BCR: variants seen among roughly 807,000 people sequenced by gnomAD.
BCR encodes the protein breakpoint cluster region protein.
In BCR, 58 loss-of-function variants were observed where a neutral mutation model predicts 138.6. The ratio of observed to expected loss-of-function variants is 0.42; its 90% confidence interval spans 0.34 to 0.52. The LOEUF (loss-of-function observed/expected upper bound fraction) is 0.52. BCR is among the 20% of genes least tolerant of loss of function. BCR has a pLI of 0.06. For missense variants in BCR, 1,599 were observed against 1,727.2 expected, an observed-to-expected ratio of 0.93 and a Z score of 1.32; for synonymous variants, 786 against 730.1, an observed-to-expected ratio of 1.08 and a Z score of -1.23.
intron 1 of BCR, among the ~76,000 whole-genome samples, chr22:23,244,412 G>A (rs540074399): frequency 6.6e-6 from 1 of 152,300 alleles, no homozygotes; most frequent in South Asian, 2.1e-4. Context: ...TCACCTTGGT[G>A]TCCTCAGGGG....
Position 23,261,037 on chromosome 22 carries a change from C to G in BCR, c.1549C>G (p.Leu517Val). 1.2e-6 allele frequency: 2 copies of G among 1,613,692 alleles called. No individual in the cohort carries two copies. Among genetic ancestry groups the G allele is most frequent in the African/African-American group, 2.7e-5 (2 of 75,010 alleles). ...LASEETYLSH[L>V]EALLLPMKPL... ...TAGCGAGGAGACTTACCTGAGCCACCTGGAGGCACTGCTGCTGGTGAGGAG... is the reference window on the plus strand; with the variant it reads ...TAGCGAGGAGACTTACCTGAGCCACGTGGAGGCACTGCTGCTGGTGAGGAG... Residue 517 changes from leucine to valine, a missense_variant, in exon 3 of 23, where the codon CTG becomes GTG. By Grantham distance (32) the Leu-to-Val change is conservative (BLOSUM62 1). Around this residue, in one of 4 missense-constraint regions of BCR, gnomAD observed 590 missense variants for 762.4 expected, o/e 0.77. Coordinates refer to ENST00000305877, the MANE Select transcript of BCR (RefSeq NM_004327.4).
intron 16 of BCR, among the ~76,000 whole-genome samples, chr22:23,307,393 A>G (rs1235292088): frequency 1.4e-5 from 2 of 147,890 alleles, no homozygotes; most frequent in Non-Finnish European, 3.0e-5. Context: ...CAGGGTTTCC[A>G]TTTTTTAAAG....
At chr22:23,210,999 CTGAT>C (rs1170619031) in intron 1 of BCR, among the ~76,000 whole-genome samples, 1 of 152,134 alleles carries the variant, frequency 6.6e-6, no homozygotes, top group Non-Finnish European at 1.5e-5. Context: ...TCATCACTGT[CTGAT>C]TGCAGATCAT....
intron 16 of BCR, among the ~76,000 whole-genome samples, chr22:23,308,047 G>T (rs948593679): frequency 1.4e-5 from 2 of 146,146 alleles, no homozygotes; most frequent in Non-Finnish European, 3.0e-5. Context: ...ATATGTGCAC[G>T]CATGTGAATG....
Position 23,181,418 on chromosome 22 carries a change from C to G in BCR, c.458C>G (p.Ala153Gly), listed in dbSNP as rs1178582842. 6.3e-7 allele frequency: 1 copy of G among 1,577,816 alleles called. No individual in the cohort carries two copies. Among genetic ancestry groups the G allele is most frequent in the South Asian group, 1.1e-5 (1 of 88,090 alleles). ...DDRGPPASVA[A>G]LRSNFERIRK... ...CGGGGACCCCCCGCCAGCGTGGCGGCGCTCAGGTCCAACTTCGAGCGGATC... is the reference window on the plus strand; with the variant it reads ...CGGGGACCCCCCGCCAGCGTGGCGGGGCTCAGGTCCAACTTCGAGCGGATC... Residue 153 changes from alanine to glycine, a missense_variant, in exon 1 of 23, where the codon GCG (alanine) becomes GGG (glycine). Physicochemically the swap from Ala to Gly is moderately conservative, Grantham distance 60 (BLOSUM62 0). This residue lies in a region of BCR where 806 missense variants were observed against 635.0 expected (regional missense o/e 1.27). Transcript: ENST00000305877.
At position 23,273,725 on chromosome 22, in the gene BCR, A is replaced by G. The variant is rs759126747; in HGVS notation, c.2066A>G (p.Asn689Ser). 6 of 1,614,138 alleles carry G rather than the reference A, an allele frequency of 3.7e-6. No individual in the cohort carries two copies. The highest frequency in any genetic ancestry group is 3.3e-5 in the Admixed American group (2 of 60,028). ...TCACAGAACTTCCTGTCCAGCATCA[A>G]TGAGGAGATCACACCCCGACGGCAG... is the stretch of plus-strand genomic sequence containing the variant. ...RISQNFLSSINEEITPRRQSM... is the reference protein window; with the variant it reads ...RISQNFLSSISEEITPRRQSM... Residue 689 changes from asparagine (N) to serine (S), a missense_variant, in exon 8 of 23, where the codon AAT (asparagine) becomes AGT (serine). By Grantham distance (46) the Asn-to-Ser change is conservative (BLOSUM62 1). Around this residue, in one of 4 missense-constraint regions of BCR, gnomAD observed 590 missense variants for 762.4 expected, o/e 0.77. Transcript: ENST00000305877.
intron 4 of BCR, among the ~76,000 whole-genome samples, chr22:23,267,025 C>T (rs1225547820): frequency 7.9e-5 from 12 of 152,062 alleles, no homozygotes; most frequent in Admixed American, 7.9e-4. Flanking sequence ...TGCTCTCAGT[C>T]CCTGTCCTGC....
chr22:23,204,187 C>T (rs2072586164), intron 1 of BCR, among the ~76,000 whole-genome samples: 2 of 152,236 alleles, frequency 1.3e-5, no homozygotes, highest in South Asian at 4.1e-4. Context: ...AACTAGGAGC[C>T]AGCAGTTCAG....
chr22:23,278,514 G>GT (rs1414242628), intron 8 of BCR, among the ~76,000 whole-genome samples: 2 of 152,164 alleles, frequency 1.3e-5, no homozygotes, highest in Non-Finnish European at 2.9e-5. Flanking sequence ...ATCACTTGAG[G>GT]TTAGGACTTT....
At chr22:23,246,090 A>G (rs975858873) in intron 1 of BCR, among the ~76,000 whole-genome samples, 1 of 152,218 alleles carries the variant, frequency 6.6e-6, no homozygotes, top group South Asian at 2.1e-4. Flanking sequence ...CATGTTTTCA[A>G]GGTTCATCCG....
intron 8 of BCR, among the ~76,000 whole-genome samples, chr22:23,274,908 A>G (rs2073555898): frequency 1.7e-5 from 1 of 59,362 alleles, no homozygotes; most frequent in East Asian, 2.5e-4. Flanking sequence ...ACTCCATCTC[A>G]AAAAAAAAAA....
rs757007854 is a variant in BCR, at chr22:23,242,788, T to G, written c.1280-11011T>G. 74 of 446,928 alleles carry G rather than the reference T, an allele frequency of 1.7e-4. 1 individual carries two copies. The highest frequency in any genetic ancestry group is 6.2e-4 in the Admixed American group (26 of 41,766). 27.7% of individuals were successfully genotyped at this position (446,928 alleles called of 1,614,324 possible). On this transcript the variant is annotated intron_variant, in intron 1 of 22. Coordinates refer to ENST00000305877, the MANE Select transcript of BCR (RefSeq NM_004327.4). ...AACAGAATGCCACAAGCTTAGTGGC[T>G]TACAACAACAAACATTTATTCTCTC...
chr22:23,183,587 T>C (rs1346139294), intron 1 of BCR, among the ~76,000 whole-genome samples: 2 of 152,254 alleles, frequency 1.3e-5, no homozygotes, highest in Non-Finnish European at 2.9e-5. Flanking sequence ...AGAAGCCTGC[T>C]TTGCAGGCAC....
chr22:23,275,941 C>A (rs1021292720), intron 8 of BCR, among the ~76,000 whole-genome samples: 1 of 152,200 alleles, frequency 6.6e-6, no homozygotes, highest in Non-Finnish European at 1.5e-5. Context: ...CTTCTCAGTG[C>A]TCGGATCATT....
Position 23,276,407 on chromosome 22 carries a change from G to GA in BCR, c.2115+2648dup, listed in dbSNP as rs144153786. On this transcript the variant is annotated intron_variant, in intron 8 of 22. Transcript: ENST00000305877. ...GAGCGAGATTCTGTCTCAAAAAAAAGAAAAAAAAAAAAAAAGGGCTGGTTG... is the reference window on the plus strand; with the variant it reads ...GAGCGAGATTCTGTCTCAAAAAAAAGAAAAAAAAAAAAAAAAGGGCTGGTTG... Among the ~76,000 whole-genome samples the GA allele has an allele frequency of 4.3e-3, 540 of 125,274 alleles. 4 individuals carry two copies. Among genetic ancestry groups the GA allele is most frequent in the South Asian group, 0.021 (76 of 3,682 alleles). The allele number at this position is 125,274 out of a possible 152,430, so 82.2% of individuals were successfully genotyped here. A position where few individuals can be genotyped will look rare whatever the true frequency, so the allele number is the denominator to read the frequency against.
At chr22:23,244,308 C>T (rs1602057549) in intron 1 of BCR, among the ~76,000 whole-genome samples, 2 of 152,196 alleles carry the variant, frequency 1.3e-5, no homozygotes, top group South Asian at 4.1e-4. Flanking sequence ...TTCATTACAT[C>T]TGCAAAAAGA....
chr22:23,204,767 A>G (rs2072592926), intron 1 of BCR, among the ~76,000 whole-genome samples: 1 of 152,236 alleles, frequency 6.6e-6, no homozygotes, highest in South Asian at 2.1e-4. Flanking sequence ...GCCAAAGTGC[A>G]GAGCGTGGGC....
At chr22:23,228,560 A>T (rs1047058071) in intron 1 of BCR, among the ~76,000 whole-genome samples, 1 of 152,230 alleles carries the variant, frequency 6.6e-6, no homozygotes, top group African/African-American at 2.4e-5. Flanking sequence ...TATAGGGCTA[A>T]GTCTTAGTTT....
chr22:23,286,173 C>G (rs1438813565), intron 10 of BCR, among the ~76,000 whole-genome samples: 1 of 152,214 alleles, frequency 6.6e-6, no homozygotes. Context: ...GGGGCCCAGG[C>G]CCAGGTGGCA....
Sources: allele counts gnomAD v4.1 joint callset (sites outside exome capture counted in the v4.1 genomes callset), GRCh38; gene constraint gnomAD v4.1.1; regional missense constraint gnomAD v4.1.1; transcripts MANE v1.5; gene names NCBI Gene and HGNC (gene_info 2026-07-23, HGNC 2026-07-21).